RAB22A: variants seen among roughly 807,000 people sequenced by gnomAD.
RAB22A encodes ras-related protein Rab-22A.
A neutral mutation model predicts 30.2 loss-of-function variants in RAB22A; 13 were observed. The ratio of observed to expected loss-of-function variants is 0.43; its 90% confidence interval spans 0.28 to 0.68. The LOEUF (loss-of-function observed/expected upper bound fraction) is 0.68, where lower values mean the gene tolerates loss of function less well. Ranked by LOEUF, RAB22A falls within the 30% of genes least tolerant of loss-of-function variation. RAB22A has a pLI of 0.18. For synonymous variants in RAB22A, 89 were observed against 87.2 expected (o/e 1.02, Z -0.11); for missense variants, 177 against 246.8 (o/e 0.72, Z 1.89).
chr20:58,349,961 A>G (rs527593056), intron 3 of RAB22A, among the ~76,000 whole-genome samples: 2 of 152,350 alleles, frequency 1.3e-5, no homozygotes, highest in Admixed American at 1.3e-4. Context: ...ACATATGTTC[A>G]GAGATTTAAA....
chr20:58,342,065 A>G (rs1429305835), intron 2 of RAB22A, among the ~76,000 whole-genome samples: 1 of 152,362 alleles, frequency 6.6e-6, no homozygotes, highest in Admixed American at 6.5e-5. Flanking sequence ...GTGCTTTACA[A>G]TTTACAGAGC....
chr20:58,349,412 G>T (rs374943361), intron 3 of RAB22A, among the ~76,000 whole-genome samples: 13 of 152,190 alleles, frequency 8.5e-5, no homozygotes, highest in African/African-American at 1.7e-4. Context: ...GAGGCAAATC[G>T]CAGAAAAGGG....
At chr20:58,354,818 G>A (rs1351688475) in intron 6 of RAB22A, among the ~76,000 whole-genome samples, 5 of 152,168 alleles carry the variant, frequency 3.3e-5, no homozygotes, top group Admixed American at 3.3e-4. Flanking sequence ...TTTATTGGGA[G>A]CTGTTCCAGG....
intron 3 of RAB22A, among the ~76,000 whole-genome samples, chr20:58,344,723 A>G (rs1986915970): frequency 6.6e-6 from 1 of 152,250 alleles, no homozygotes; most frequent in Non-Finnish European, 1.5e-5. Flanking sequence ...AAGACACCAT[A>G]GATAGTGTGT....
chr20:58,311,067 A>G lies in RAB22A; in HGVS notation c.61A>G (p.Ile21Val). 2.5e-6 allele frequency: 4 copies of G among 1,606,632 alleles called. No individual in the cohort carries two copies. The highest frequency in any genetic ancestry group is 3.4e-6 in the Non-Finnish European group (4 of 1,173,176). Residue 21 changes from isoleucine to valine, a missense_variant, in exon 2 of 7, where the codon ATT becomes GTT. Coordinates refer to ENST00000244040, the MANE Select transcript of RAB22A (RefSeq NM_020673.3). ...GGATACAGGTGTAGGTAAATCGAGT[A>G]TTGTGTGGCGGTTTGTGGAAGACAG... is the stretch of plus-strand genomic sequence containing the variant. ...LGDTGVGKSSIVWRFVEDSFD... is the reference protein window; with the variant it reads ...LGDTGVGKSSVVWRFVEDSFD...
At chr20:58,348,308 G>T (rs1361747097) in intron 3 of RAB22A, among the ~76,000 whole-genome samples, 1 of 152,094 alleles carries the variant, frequency 6.6e-6, no homozygotes, top group African/African-American at 2.4e-5. Flanking sequence ...TCTTAATATG[G>T]TTTCTCCCAA....
Position 58,363,434 on chromosome 20 carries a change from C to T in RAB22A, c.*3731C>T, listed in dbSNP as rs1482001513. 2 of 152,144 alleles carry T rather than the reference C, an allele frequency of 1.3e-5. No homozygotes were observed. Among genetic ancestry groups the T allele is most frequent in the East Asian group, 3.9e-4 (2 of 5,194 alleles). 9.4% of individuals were successfully genotyped at this position (152,144 alleles called of 1,614,324 possible). ...TAAGTATTGTGAAAACCCTTTTCTT[C>T]CAGGGAAAAATTATTGGAAATTCCT... On this transcript the variant is annotated 3_prime_UTR_variant, in exon 7 of 7. Coordinates refer to ENST00000244040, the MANE Select transcript of RAB22A (RefSeq NM_020673.3).
In RAB22A at chr20:58,343,687, G is replaced by A. The variant is rs200022883; in HGVS notation, c.117-31G>A. ...GGCTGGAAACGTGCTTTACATAATT[G>A]TATTCTGATCATTTAGGTCTCTCTT... On this transcript the variant is annotated intron_variant, in intron 2 of 6. Transcript: ENST00000244040. 1,947 of 1,540,800 alleles carry A rather than the reference G, an allele frequency of 1.3e-3. 4 individuals are homozygous for A. Among genetic ancestry groups the A allele is most frequent in the Non-Finnish European group, 1.5e-3 (1,656 of 1,113,978 alleles).
chr20:58,353,134 T>G, intron 3 of RAB22A, 139 bp from the exon 4 acceptor site: 1 of 753,354 alleles, frequency 1.3e-6, no homozygotes, highest in South Asian at 1.9e-5. Context: ...ACTGGTTCAT[T>G]TGCTTTAAAG....
intron 6 of RAB22A, 87 bp from the exon 7 acceptor site, chr20:58,359,519 A>G (rs1402972184): frequency 3.3e-6 from 2 of 614,166 alleles, no homozygotes; most frequent in African/African-American, 2.1e-5. Context: ...TTTTTACTTC[A>G]GTGAAACCTG....
At chr20:58,336,186 AT>A (rs1250479671) in intron 2 of RAB22A, among the ~76,000 whole-genome samples, 27 of 151,814 alleles carry the variant, frequency 1.8e-4, no homozygotes, top group Admixed American at 1.7e-3. Context: ...ATTTTTTTGT[AT>A]TTTTAGTAGA....
At position 58,343,809 on chromosome 20, in the gene RAB22A, T is replaced by C. The variant is rs760710584; in HGVS notation, c.198+10T>C. On this transcript the variant is annotated intron_variant, in intron 3 of 6. Transcript: ENST00000244040. ...AGCTGGACAAGAACGAGTAAGTCAC[T>C]CTTTAATTTACTCTGTTTTTCTGAG... 24 of 1,583,148 alleles carry C rather than the reference T, an allele frequency of 1.5e-5. No homozygotes were observed. Among genetic ancestry groups the C allele is most frequent in the Middle Eastern group, 3.3e-4 (2 of 6,012 alleles).
rs1987264584 is a variant in RAB22A, at chr20:58,363,533, C to A, written c.*3830C>A. The stretch of plus-strand genomic sequence containing the variant: ...AACTCAGGCTGGCTCTCCTCTCTAA[C>A]CTCACTGGGCTATAAATGTTCCTTC... On this transcript the variant is annotated 3_prime_UTR_variant, in exon 7 of 7. Coordinates refer to ENST00000244040, the MANE Select transcript of RAB22A (RefSeq NM_020673.3). 6.6e-6 allele frequency: 1 copy of A among 152,196 alleles called. No homozygotes were observed. The highest frequency in any genetic ancestry group is 1.5e-5 in the Non-Finnish European group (1 of 68,046). 9.4% of individuals were successfully genotyped at this position (152,196 alleles called of 1,614,324 possible). A position where few individuals can be genotyped will look rare whatever the true frequency, so the allele number is the denominator to read the frequency against.
chr20:58,317,940 CA>C lies in RAB22A; in HGVS notation c.116+6821del, dbSNP rs369097161. Among the ~76,000 whole-genome samples, 33 of 152,304 alleles carry C rather than the reference CA, an allele frequency of 2.2e-4. 2 individuals carry two copies. In the East Asian group the frequency reaches 6.4e-3, roughly 29 times the overall value. On this transcript the variant is annotated intron_variant, in intron 2 of 6. Transcript: ENST00000244040. ...GGACACTTTGAGCTCAGTGCAGCAT[CA>C]AACTCCTAAGCTCAAGCGATCTTCT...
chr20:58,331,312 C>A (rs1042526180), intron 2 of RAB22A, among the ~76,000 whole-genome samples: 3 of 151,852 alleles, frequency 2.0e-5, no homozygotes, highest in Non-Finnish European at 2.9e-5. Context: ...TTTTAATCTT[C>A]GTAGTAAATA....
chr20:58,320,505 A>G (rs955197208), intron 2 of RAB22A, among the ~76,000 whole-genome samples: 3 of 152,094 alleles, frequency 2.0e-5, no homozygotes, highest in African/African-American at 4.8e-5. Context: ...CTGTCCAGCT[A>G]TAAGTTTATC....
In RAB22A at chr20:58,353,193, G is replaced by T. The variant is rs968318453; in HGVS notation, c.199-80G>T. 8.4e-5 allele frequency: 107 copies of T among 1,269,156 alleles called. 1 individual carries two copies. The Admixed American group carries it at 1.9e-3, about 23-fold the overall frequency. The allele number at this position is 1,269,156 out of a possible 1,614,324, so 78.6% of individuals were successfully genotyped here. ...AGAGAAAGATTACTTTTTGTGCAGG[G>T]ATAATGGGCTTATAAATCTAGTATA... On this transcript the variant is annotated intron_variant, in intron 3 of 6. Transcript: ENST00000244040.
Position 58,364,717 on chromosome 20 carries a change from G to C in RAB22A, c.*5014G>C, listed in dbSNP as rs1377644037. On this transcript the variant is annotated 3_prime_UTR_variant, in exon 7 of 7. Coordinates refer to ENST00000244040, the MANE Select transcript of RAB22A (RefSeq NM_020673.3). Reference sequence around the variant, plus strand: ...TCAGCCAATTAAAAGCCGTAAGATAGTAATGATTTTTTTTCTTTTTTTTTT... The same window carrying C: ...TCAGCCAATTAAAAGCCGTAAGATACTAATGATTTTTTTTCTTTTTTTTTT... 1 of 151,088 alleles carries C rather than the reference G, an allele frequency of 6.6e-6. No individual in the cohort carries two copies. The highest frequency in any genetic ancestry group is 1.5e-5 in the Non-Finnish European group (1 of 67,744). The allele number at this position is 151,088 out of a possible 1,614,324, so 9.4% of individuals were successfully genotyped here. A position where few individuals can be genotyped will look rare whatever the true frequency, so the allele number is the denominator to read the frequency against.
intron 2 of RAB22A, among the ~76,000 whole-genome samples, chr20:58,327,881 A>C (rs1986595268): frequency 6.6e-6 from 1 of 152,206 alleles, no homozygotes; most frequent in South Asian, 2.1e-4. Context: ...TGAGAAACTG[A>C]TCCAGATAGA....
Sources: gnomAD v4.1 joint callset for allele counts (sites outside exome capture counted in the v4.1 genomes callset) on GRCh38, gnomAD v4.1.1 for gene constraint, MANE v1.5 for transcripts, NCBI Gene and HGNC (gene_info 2026-07-23, HGNC 2026-07-21) for gene names.